The following MAN1A2 variants were observed in gnomAD, a reference collection of about 807,000 sequenced individuals.
MAN1A2 encodes mannosyl-oligosaccharide 1,2-alpha-mannosidase IB.
Under a neutral mutation model 75.7 loss-of-function variants are expected in MAN1A2, and 26 were observed. The observed-to-expected ratio is 0.34, with a 90% CI of 0.25 to 0.48. The LOEUF (loss-of-function observed/expected upper bound fraction) is 0.48, where lower values mean the gene tolerates loss of function less well. Among genes scored for constraint, MAN1A2 ranks in the 20% least tolerant of loss-of-function variants. MAN1A2 has a pLI of 0.99. For missense variants in MAN1A2, 562 were observed against 775.5 expected, an observed-to-expected ratio of 0.72 and a Z score of 3.27; for synonymous variants, 247 against 264.6, an observed-to-expected ratio of 0.93 and a Z score of 0.65.
chr1:117,421,942 C>T (rs925908146), intron 5 of MAN1A2, among the ~76,000 whole-genome samples: 3 of 152,076 alleles, frequency 2.0e-5, no homozygotes, highest in African/African-American at 7.2e-5. Flanking sequence ...CTACGTTGTT[C>T]ATGCCAAATA....
intron 5 of MAN1A2, among the ~76,000 whole-genome samples, chr1:117,431,194 AGGGAGGGGGAGGGGGAGGGGGAGG>A (rs1224582962): frequency 6.7e-5 from 1 of 14,836 alleles, no homozygotes; most frequent in East Asian, 2.2e-3. Flanking sequence ...CCGTGGGGAG[AGGGAGGGGGAGGGGGAGGGGGAGG>A]GGGAGGGGGA....
intron 8 of MAN1A2, among the ~76,000 whole-genome samples, chr1:117,487,055 G>A (rs1650730181): frequency 6.6e-6 from 1 of 151,962 alleles, no homozygotes; most frequent in African/African-American, 2.4e-5. Context: ...ATGTTAGAAG[G>A]TATTGGAATG....
At chr1:117,497,048 A>G in intron 10 of MAN1A2, 66 bp downstream of exon 10, 1 of 1,328,198 alleles carries the variant, frequency 7.5e-7, no homozygotes, top group South Asian at 1.4e-5. Flanking sequence ...TGTGTTCAGC[A>G]ATAAGAAGGA....
chr1:117,372,307 AT>A (rs2101714018), intron 1 of MAN1A2, among the ~76,000 whole-genome samples: 1 of 152,310 alleles, frequency 6.6e-6, no homozygotes, highest in East Asian at 1.9e-4. Flanking sequence ...GTGTTAAACT[AT>A]TAAGTTTCAC....
intron 5 of MAN1A2, among the ~76,000 whole-genome samples, chr1:117,434,119 C>A (rs1648768649): frequency 6.6e-6 from 1 of 152,134 alleles, no homozygotes. Flanking sequence ...TTTACTATTT[C>A]CTAAGATTCT....
chr1:117,421,465 T>G (rs2101781542), intron 5 of MAN1A2, among the ~76,000 whole-genome samples: 1 of 152,122 alleles, frequency 6.6e-6, no homozygotes, highest in East Asian at 1.9e-4. Flanking sequence ...GTGTTTTGGC[T>G]TCTAGATTTT....
intron 1 of MAN1A2, among the ~76,000 whole-genome samples, chr1:117,386,048 G>A (rs1383058777): frequency 6.6e-6 from 1 of 152,116 alleles, no homozygotes; most frequent in East Asian, 1.9e-4. Context: ...CAATACCCTT[G>A]CTGCTAGATG....
At chr1:117,447,367 T>C (rs906675409) in intron 6 of MAN1A2, among the ~76,000 whole-genome samples, 2 of 152,132 alleles carry the variant, frequency 1.3e-5, no homozygotes, top group African/African-American at 4.8e-5. Context: ...AGTGAACTAT[T>C]AGATTATTTC....
intron 12 of MAN1A2, among the ~76,000 whole-genome samples, chr1:117,521,969 G>A (rs1041702977): frequency 1.3e-5 from 2 of 151,896 alleles, no homozygotes; most frequent in African/African-American, 4.8e-5. Flanking sequence ...CTGATATGTG[G>A]GAGCTAAGCT....
At position 117,522,951 on chromosome 1, in the gene MAN1A2, T is replaced by C; in HGVS notation, c.1920T>C (p.Val640=). 2 of 1,611,134 alleles carry C rather than the reference T, an allele frequency of 1.2e-6. No individual in the cohort carries two copies. The highest frequency in any genetic ancestry group is 1.7e-6 in the Non-Finnish European group (2 of 1,178,374). ...ANTTLSGNPA[V]R is the part of the protein sequence containing the mutation. ...CCACACTTTCAGGTAATCCTGCTGT[T>C]CGATGAAAGCAGTTCCAGAAGGACC... The change falls in exon 13 of 13, where the codon GTT becomes GTC. Residue 640 remains valine (V), a synonymous_variant. Coordinates refer to ENST00000356554, the MANE Select transcript of MAN1A2 (RefSeq NM_006699.5).
chr1:117,424,015 A>T (rs1200368190), intron 5 of MAN1A2, among the ~76,000 whole-genome samples: 1 of 150,840 alleles, frequency 6.6e-6, no homozygotes, highest in African/African-American at 2.4e-5. Context: ...TCCATAATTG[A>T]TTTTTATATT....
intron 1 of MAN1A2, among the ~76,000 whole-genome samples, chr1:117,371,931 G>A (rs962316979): frequency 6.6e-6 from 1 of 151,496 alleles, no homozygotes; most frequent in Non-Finnish European, 1.5e-5. Flanking sequence ...GGACGGGGGC[G>A]GGCATGTGCC....
At chr1:117,392,253 A>G (rs1653745259) in intron 1 of MAN1A2, among the ~76,000 whole-genome samples, 1 of 151,860 alleles carries the variant, frequency 6.6e-6, no homozygotes, top group Non-Finnish European at 1.5e-5. Flanking sequence ...TTGCTATAGT[A>G]TATTGTGTTA....
At chr1:117,476,216 T>A (rs1019064676) in intron 8 of MAN1A2, among the ~76,000 whole-genome samples, 6 of 151,828 alleles carry the variant, frequency 4.0e-5, no homozygotes, top group African/African-American at 1.4e-4. Flanking sequence ...GGAGTTGTTT[T>A]TTTCTTGTAA....
chr1:117,477,030 T>G (rs772051619), intron 8 of MAN1A2, among the ~76,000 whole-genome samples: 1 of 151,970 alleles, frequency 6.6e-6, no homozygotes, highest in Non-Finnish European at 1.5e-5. Context: ...CTTTCTTATT[T>G]CCTTGAGCAG....
intron 6 of MAN1A2, among the ~76,000 whole-genome samples, chr1:117,458,524 T>TAGATATATATATC (rs373076182): frequency 1.4e-5 from 1 of 71,706 alleles, no homozygotes; most frequent in African/African-American, 5.3e-5. Context: ...TATATATATA[T>TAGATATATATATC]TTTTTTTTTT....
rs933036097 is a variant in MAN1A2, at chr1:117,472,044, T to C, written c.1168+5617T>C. Among the ~76,000 whole-genome samples, 7 of 151,914 alleles carry C rather than the reference T, an allele frequency of 4.6e-5. No individual in the cohort carries two copies. The South Asian group carries it at 1.5e-3, about 31-fold the overall frequency. On this transcript the variant is annotated intron_variant, in intron 8 of 12. Transcript: ENST00000356554. ...TACGGATCTGGATCTAGGATAGCTG[T>C]CTGTGGGAGTGGTAGTCATCATAGA...
At chr1:117,486,578 G>A (rs1027789919) in intron 8 of MAN1A2, among the ~76,000 whole-genome samples, 1 of 151,764 alleles carries the variant, frequency 6.6e-6, no homozygotes, top group Admixed American at 6.6e-5. Flanking sequence ...AGCAATTAGA[G>A]AATGAAAAAA....
intron 3 of MAN1A2, among the ~76,000 whole-genome samples, chr1:117,413,270 T>C (rs1245217016): frequency 4.6e-5 from 7 of 151,888 alleles, no homozygotes; most frequent in Admixed American, 4.6e-4. Context: ...GATAGATGTA[T>C]TGATAAGTTG....
Sources: gnomAD v4.1 joint callset for allele counts (sites outside exome capture counted in the v4.1 genomes callset) on GRCh38, gnomAD v4.1.1 for gene constraint, MANE v1.5 for transcripts, NCBI Gene and HGNC (gene_info 2026-07-23, HGNC 2026-07-21) for gene names.